The following MAN1A1 variants were observed in gnomAD, a reference collection of about 807,000 sequenced individuals.
The protein encoded by MAN1A1 is mannosidase alpha class 1A member 1.
Under a neutral mutation model 70.8 loss-of-function variants are expected in MAN1A1, and 29 were observed. The ratio of observed to expected loss-of-function variants is 0.41; its 90% CI spans 0.31 to 0.56. The LOEUF is 0.56. Ranked by LOEUF, MAN1A1 falls within the 20% of genes least tolerant of loss-of-function variation. The pLI is 0.29. For synonymous variants in MAN1A1, 349 were observed against 330.1 expected, an observed-to-expected ratio of 1.06 and a Z score of -0.62; for missense variants, 747 against 841.3, an observed-to-expected ratio of 0.89 and a Z score of 1.39.
intron 2 of MAN1A1, among the ~76,000 whole-genome samples, chr6:119,338,703 T>A (rs1356024886): frequency 6.6e-6 from 1 of 152,206 alleles, no homozygotes; most frequent in Non-Finnish European, 1.5e-5. Flanking sequence ...TCCTCAAGTA[T>A]CTGAGGCAAA....
intron 6 of MAN1A1, among the ~76,000 whole-genome samples, chr6:119,226,596 A>G (rs1310512716): frequency 2.0e-5 from 3 of 152,248 alleles, no homozygotes; most frequent in African/African-American, 7.2e-5. Flanking sequence ...AAAAATTGAT[A>G]TGATCAATAA....
At chr6:119,270,850 G>A (rs1414775764) in intron 5 of MAN1A1, among the ~76,000 whole-genome samples, 1 of 152,158 alleles carries the variant, frequency 6.6e-6, no homozygotes, top group Non-Finnish European at 1.5e-5. Context: ...CGAATTTGGG[G>A]TAAGAAATGA....
At chr6:119,349,879 G>A (rs541947012), upstream of MAN1A1, 4 of 439,036 alleles carry the variant, frequency 9.1e-6, no homozygotes, top group African/African-American at 6.4e-5. Context: ...GGGCCGAGGC[G>A]AGGAGGGGGA....
intron 2 of MAN1A1, among the ~76,000 whole-genome samples, chr6:119,340,409 A>G (rs1019906724): frequency 6.6e-6 from 1 of 152,158 alleles, no homozygotes; most frequent in African/African-American, 2.4e-5. Flanking sequence ...TATTTCTGAG[A>G]TCATCCTGTC....
chr6:119,298,447 GAT>G (rs547044726), intron 4 of MAN1A1, among the ~76,000 whole-genome samples: 564 of 152,202 alleles, frequency 3.7e-3, no homozygotes, highest in Non-Finnish European at 5.2e-3. Context: ...ACTTTTCAGT[GAT>G]ATAAATTGGA....
chr6:119,281,826 G>A (rs6903249), intron 5 of MAN1A1, among the ~76,000 whole-genome samples: 56,540 of 151,914 alleles, frequency 0.37, 11,122 homozygotes, highest in Non-Finnish European at 0.41. Flanking sequence ...AGAGGCCAAG[G>A]TGGGTGGATC....
intron 7 of MAN1A1, 76 bp from the exon 8 acceptor site, chr6:119,201,423 A>T: frequency 1.1e-6 from 1 of 940,674 alleles, no homozygotes; most frequent in Non-Finnish European, 1.7e-6. Flanking sequence ...TCTTGAACAT[A>T]CAAGTTGACT....
intron 6 of MAN1A1, among the ~76,000 whole-genome samples, chr6:119,212,197 CTAAGGCCAATCTCTCAATAAT>C (rs982796822): frequency 9.2e-5 from 14 of 151,726 alleles, no homozygotes; most frequent in Non-Finnish European, 2.1e-4. Context: ...CATTGGTAAC[CTAAGGCCAATCTCTCAATAAT>C]TAGGAAAATT....
At chr6:119,231,967 G>C (rs1443277323) in intron 6 of MAN1A1, among the ~76,000 whole-genome samples, 1 of 152,116 alleles carries the variant, frequency 6.6e-6, no homozygotes, top group Non-Finnish European at 1.5e-5. Context: ...TCTTTAAATA[G>C]TGAGAATAAG....
At chr6:119,184,055 T>C (rs1181256149) in intron 11 of MAN1A1, among the ~76,000 whole-genome samples, 1 of 152,106 alleles carries the variant, frequency 6.6e-6, no homozygotes, top group Non-Finnish European at 1.5e-5. Flanking sequence ...CCCTCACCCC[T>C]TACGCAAAAG....
At chr6:119,306,718 G>A (rs1020544357) in intron 3 of MAN1A1, among the ~76,000 whole-genome samples, 178 bp downstream of exon 3, 2 of 152,128 alleles carry the variant, frequency 1.3e-5, no homozygotes, top group African/African-American at 2.4e-5. Context: ...CGAACACATA[G>A]CCACTACTCT....
chr6:119,308,832 T>C (rs1772602766), intron 2 of MAN1A1, among the ~76,000 whole-genome samples: 1 of 152,150 alleles, frequency 6.6e-6, no homozygotes. Context: ...TCAAAAGCTT[T>C]TGGAATATAC....
intron 2 of MAN1A1, among the ~76,000 whole-genome samples, chr6:119,333,347 C>T (rs904390683): frequency 6.6e-6 from 1 of 152,154 alleles, no homozygotes; most frequent in African/African-American, 2.4e-5. Flanking sequence ...ATTCACCTCT[C>T]AAGGTTCCAG....
At position 119,276,254 on chromosome 6, in the gene MAN1A1, T is replaced by C. The variant is rs374937130; in HGVS notation, c.897+14429A>G. Among the ~76,000 whole-genome samples the C allele has an allele frequency of 5.3e-5, 8 of 152,342 alleles. 1 individual carries two copies. Among genetic ancestry groups the C allele is most frequent in the Admixed American group, 2.0e-4 (3 of 15,302 alleles). ...CCATCACTTTATCACATGGTTATAT[T>C]GTATTTTCTTCAGAGCTCTTATTGC... On this transcript the variant is annotated intron_variant, in intron 5 of 12. Coordinates refer to ENST00000368468, the MANE Select transcript of MAN1A1 (RefSeq NM_005907.4).
intron 8 of MAN1A1, among the ~76,000 whole-genome samples, chr6:119,196,009 C>T (rs538809281): frequency 2.0e-5 from 3 of 152,150 alleles, no homozygotes; most frequent in East Asian, 3.9e-4. Flanking sequence ...GCAAGTGATG[C>T]GTGGAAAAGC....
At chr6:119,285,366 G>C (rs1297713229) in intron 5 of MAN1A1, among the ~76,000 whole-genome samples, 1 of 152,020 alleles carries the variant, frequency 6.6e-6, no homozygotes, top group Non-Finnish European at 1.5e-5. Flanking sequence ...CCATTCATAA[G>C]GGATCTGGCC....
At chr6:119,294,187 C>T (rs552571672) in intron 4 of MAN1A1, among the ~76,000 whole-genome samples, 2 of 152,064 alleles carry the variant, frequency 1.3e-5, no homozygotes, top group African/African-American at 2.4e-5. Flanking sequence ...TCCTTTGGGG[C>T]TTGATATATT....
chr6:119,218,883 T>A (rs75271567), intron 6 of MAN1A1, among the ~76,000 whole-genome samples: 28 of 152,148 alleles, frequency 1.8e-4, no homozygotes, highest in Admixed American at 3.9e-4. Flanking sequence ...GTTTTTTTTT[T>A]AATTAATCTT....
At chr6:119,227,277 G>C (rs1416627829) in intron 6 of MAN1A1, among the ~76,000 whole-genome samples, 1 of 152,192 alleles carries the variant, frequency 6.6e-6, no homozygotes, top group Non-Finnish European at 1.5e-5. Flanking sequence ...GATGGCAAAT[G>C]AATGGCTGCA....
Sources: gnomAD v4.1 joint callset for allele counts (sites outside exome capture counted in the v4.1 genomes callset) on GRCh38, gnomAD v4.1.1 for gene constraint, MANE v1.5 for transcripts, NCBI Gene and HGNC (gene_info 2026-07-23, HGNC 2026-07-21) for gene names.